Variants in ADARB2 observed in about 807,000 individuals in gnomAD.
ADARB2 encodes adenosine deaminase RNA specific B2 (inactive), also known as inactive double-stranded RNA-specific editase B2.
A neutral mutation model predicts 62.2 loss-of-function variants in ADARB2; 25 were observed. The ratio of observed to expected loss-of-function variants is 0.40; its 90% CI spans 0.29 to 0.56. The LOEUF is 0.56. Ranked by LOEUF, ADARB2 falls within the 20% of genes least tolerant of loss-of-function variation. ADARB2 has a pLI of 0.43. For missense variants in ADARB2, 1,071 were observed against 1,077.4 expected, an observed-to-expected ratio of 0.99 and a Z score of 0.08; for synonymous variants, 572 against 500.8, an observed-to-expected ratio of 1.14 and a Z score of -1.90.
At chr10:1,308,563 T>G (rs530576639) in intron 3 of ADARB2, among the ~76,000 whole-genome samples, 1 of 152,208 alleles carries the variant, frequency 6.6e-6, no homozygotes, top group Non-Finnish European at 1.5e-5. Context: ...TTTAGTTTCA[T>G]AAGAAAATGC....
chr10:1,478,842 A>T (rs1165228214), intron 1 of ADARB2, among the ~76,000 whole-genome samples: 1 of 151,212 alleles, frequency 6.6e-6, no homozygotes, highest in East Asian at 2.0e-4. Flanking sequence ...CAAAATAAGG[A>T]CCCTCCGACA....
At chr10:1,587,122 C>T (rs532340671) in intron 1 of ADARB2, among the ~76,000 whole-genome samples, 26 of 152,136 alleles carry the variant, frequency 1.7e-4, no homozygotes, top group Non-Finnish European at 3.5e-4. Flanking sequence ...TACTCATTTC[C>T]TTTACCAAAG....
chr10:1,616,894 A>G (rs1341627341), intron 1 of ADARB2, among the ~76,000 whole-genome samples: 1 of 146,878 alleles, frequency 6.8e-6, no homozygotes, highest in Non-Finnish European at 1.5e-5. Context: ...AGACGGTTGC[A>G]TTCTGTTGCT....
At chr10:1,727,798 C>T (rs1203610727) in intron 1 of ADARB2, among the ~76,000 whole-genome samples, 3 of 152,042 alleles carry the variant, frequency 2.0e-5, no homozygotes, top group Admixed American at 1.3e-4. Flanking sequence ...GAGGAAGGGC[C>T]GCGTCCACTC....
chr10:1,503,436 C>G (rs1201136142), intron 1 of ADARB2, among the ~76,000 whole-genome samples: 2 of 151,868 alleles, frequency 1.3e-5, no homozygotes, highest in African/African-American at 2.4e-5. Context: ...CCTCCTTGTG[C>G]CCCCAAAGAC....
At chr10:1,692,835 G>C (rs1000417752) in intron 1 of ADARB2, among the ~76,000 whole-genome samples, 1 of 152,214 alleles carries the variant, frequency 6.6e-6, no homozygotes, top group Non-Finnish European at 1.5e-5. Context: ...CAGAATTGAA[G>C]TCTTTTGATC....
At chr10:1,434,578 G>A (rs889681877) in intron 1 of ADARB2, among the ~76,000 whole-genome samples, 3 of 152,100 alleles carry the variant, frequency 2.0e-5, no homozygotes, top group Non-Finnish European at 4.4e-5. Flanking sequence ...AACAACGAAG[G>A]CATTCTTAAC....
intron 3 of ADARB2, among the ~76,000 whole-genome samples, chr10:1,351,319 T>G (rs1416714245): frequency 6.6e-6 from 1 of 152,112 alleles, no homozygotes; most frequent in Non-Finnish European, 1.5e-5. Flanking sequence ...TCTTCATCAA[T>G]ACGGAGGCTA....
chr10:1,340,896 G>A (rs1373923193), intron 3 of ADARB2, among the ~76,000 whole-genome samples: 2 of 151,784 alleles, frequency 1.3e-5, no homozygotes, highest in Non-Finnish European at 2.9e-5. Context: ...CCCCACAGCG[G>A]CAATAACCAG....
Position 1,242,384 on chromosome 10 carries a change from GGTT to G in ADARB2, c.1193-88_1193-86del, listed in dbSNP as rs1482149610. 147 of 1,425,268 alleles carry G rather than the reference GGTT, an allele frequency of 1.0e-4. No homozygotes were observed. The African/African-American group carries it at 1.7e-3, about 16-fold the overall frequency. The allele number at this position is 1,425,268 out of a possible 1,614,324, so 88.3% of individuals were successfully genotyped here. A position where few individuals can be genotyped will look rare whatever the true frequency, so the allele number is the denominator to read the frequency against. ...GGTCTTTTCAGGGTCTCACAACAGCGGTTTCCCTGGGTTAGGAAACCTTGGAAA... is the reference window on the plus strand; with the variant it reads ...GGTCTTTTCAGGGTCTCACAACAGCGTCCCTGGGTTAGGAAACCTTGGAAA... On this transcript the variant is annotated intron_variant, in intron 4 of 9. Coordinates refer to ENST00000381312, the MANE Select transcript of ADARB2 (RefSeq NM_018702.4).
intron 1 of ADARB2, among the ~76,000 whole-genome samples, chr10:1,696,478 A>T (rs1388240831): frequency 6.6e-6 from 1 of 152,208 alleles, no homozygotes. Flanking sequence ...GATAATATTT[A>T]TGCTTTAAGC....
intron 1 of ADARB2, among the ~76,000 whole-genome samples, chr10:1,607,813 C>T (rs912639546): frequency 2.0e-5 from 3 of 152,202 alleles, no homozygotes; most frequent in Admixed American, 6.5e-5. Context: ...CTGGACATGA[C>T]GCGGCTGACC....
At chr10:1,545,988 C>T (rs1423800751) in intron 1 of ADARB2, among the ~76,000 whole-genome samples, 2 of 149,348 alleles carry the variant, frequency 1.3e-5, no homozygotes, top group African/African-American at 4.9e-5. Context: ...GTTTCTTCCT[C>T]AGGAAATGAC....
intron 1 of ADARB2, among the ~76,000 whole-genome samples, chr10:1,406,393 C>G (rs996852835): frequency 6.6e-6 from 1 of 152,060 alleles, no homozygotes; most frequent in Non-Finnish European, 1.5e-5. Flanking sequence ...GGGCTCGGTA[C>G]CCGGGAAGGA....
chr10:1,282,412 G>C (rs73594113), intron 3 of ADARB2, among the ~76,000 whole-genome samples: 1,536 of 152,262 alleles, frequency 0.01, 20 homozygotes, highest in African/African-American at 0.032. Context: ...TAAGTGATTG[G>C]TTTTTAATTA....
At chr10:1,557,796 C>A (rs976954746) in intron 1 of ADARB2, among the ~76,000 whole-genome samples, 2 of 152,056 alleles carry the variant, frequency 1.3e-5, no homozygotes, top group African/African-American at 4.8e-5. Context: ...TCTGTAATCC[C>A]AGGTACTCTG....
intron 1 of ADARB2, among the ~76,000 whole-genome samples, chr10:1,446,278 G>A (rs1196907228): frequency 6.7e-6 from 1 of 149,960 alleles, no homozygotes; most frequent in Non-Finnish European, 1.5e-5. Context: ...GATGATTATT[G>A]TGAAGATGGG....
At chr10:1,607,120 A>G (rs1260980654) in intron 1 of ADARB2, among the ~76,000 whole-genome samples, 1 of 152,256 alleles carries the variant, frequency 6.6e-6, no homozygotes, top group Non-Finnish European at 1.5e-5. Flanking sequence ...AATGTAATCC[A>G]TTTCAGTTAG....
At chr10:1,703,359 T>A (rs1031167189) in intron 1 of ADARB2, among the ~76,000 whole-genome samples, 1 of 151,634 alleles carries the variant, frequency 6.6e-6, no homozygotes, top group African/African-American at 2.4e-5. Context: ...CCTGGAGGAG[T>A]GGAGCTCCAC....
Sources: allele counts gnomAD v4.1 joint callset (sites outside exome capture counted in the v4.1 genomes callset), GRCh38; gene constraint gnomAD v4.1.1; transcripts MANE v1.5; gene names NCBI Gene and HGNC (gene_info 2026-07-23, HGNC 2026-07-21).